PIGR: variants seen among roughly 807,000 people sequenced by gnomAD.
PIGR encodes the protein hepatocellular carcinoma associated protein TB6.
Under a neutral mutation model 69.5 loss-of-function variants are expected in PIGR, and 22 were observed. The ratio of observed to expected loss-of-function variants is 0.32; its 90% CI spans 0.23 to 0.45. The LOEUF is 0.45. PIGR is among the 20% of genes least tolerant of loss of function. PIGR has a pLI of 1.00. For synonymous variants in PIGR, 413 were observed against 407.6 expected (o/e 1.01, Z -0.16); for missense variants, 885 against 974.0 (o/e 0.91, Z 1.22).
At position 206,931,663 on chromosome 1, in the gene PIGR, G is replaced by T. The variant is rs751789346; in HGVS notation, c.2140+8C>A. 4 of 1,613,858 alleles carry T rather than the reference G, an allele frequency of 2.5e-6. No individual in the cohort carries two copies. Among genetic ancestry groups the T allele is most frequent in the Non-Finnish European group, 3.4e-6 (4 of 1,180,000 alleles). ...GGGGCTGAGCATTCCCTTGAGTGAG[G>T]GTCATACCTTCTTTTCCTCCGAGGG... On this transcript the variant is annotated splice_region_variant and intron_variant, in intron 9 of 10. Coordinates refer to ENST00000356495, the MANE Select transcript of PIGR (RefSeq NM_002644.4).
At chr1:206,943,627 C>T (rs1442242847) in intron 1 of PIGR, among the ~76,000 whole-genome samples, 2 of 152,200 alleles carry the variant, frequency 1.3e-5, no homozygotes, top group Non-Finnish European at 2.9e-5. Flanking sequence ...AGTGACTGCA[C>T]TTCATCTCTC....
rs1467712774 is a variant in PIGR at position 206,937,664 on chromosome 1, G to A, written c.476C>T (p.Ala159Val). Residue 159 changes from alanine to valine, a missense_variant, in exon 4 of 11, where the codon GCT becomes GTT. Coordinates refer to ENST00000356495, the MANE Select transcript of PIGR (RefSeq NM_002644.4). ...CTTGTACAAGGACTTCCTCTTTTGA[G>A]CATTCTCAGTCTTGAAAGGGCAGTT... ...TINCPFKTEN[A>V]QKRKSLYKQI... The A allele has an allele frequency of 1.9e-6, 3 of 1,613,780 alleles. No homozygotes were observed. Among genetic ancestry groups the A allele is most frequent in the Middle Eastern group, 3.3e-4 (2 of 6,084 alleles).
chr1:206,935,932 G>C lies in PIGR; in HGVS notation c.1046-114C>G. On this transcript the variant is annotated intron_variant, in intron 4 of 10. Transcript: ENST00000356495. This position sits in a 1 kb window ranked among gnomAD's most constrained non-coding sequence, Gnocchi z 4.4. ...CCAGGATGGGGAGTGAAGTTTACAC[G>C]CATCACCTTACCCTCTTCAGAAAAT... is the stretch of plus-strand genomic sequence containing the variant. The C allele has an allele frequency of 4.2e-6, 3 of 707,482 alleles. No individual in the cohort carries two copies. The highest frequency in any genetic ancestry group is 7.2e-6 in the Non-Finnish European group (3 of 417,234). 43.8% of individuals were successfully genotyped at this position (707,482 alleles called of 1,614,324 possible).
rs761287769 is a variant in PIGR at position 206,937,506 on chromosome 1, G to A, written c.634C>T (p.Leu212Phe). 4 of 1,614,210 alleles carry A rather than the reference G, an allele frequency of 2.5e-6. No homozygotes were observed. Among genetic ancestry groups the A allele is most frequent in the East Asian group, 2.2e-5 (1 of 44,884 alleles). ...CAGAGATACTGCCCAGCATCGCTGA[G>A]CCTGAGTTGGTTGATGACAACGCTG... ...LFSVVINQLRLSDAGQYLCQA... is the reference protein window; with the variant it reads ...LFSVVINQLRFSDAGQYLCQA... The change falls in exon 4 of 11, where the codon CTC becomes TTC. Residue 212 changes from leucine (L) to phenylalanine (F), a missense_variant. Physicochemically the swap from Leu to Phe is conservative, Grantham distance 22. Transcript: ENST00000356495.
At chr1:206,944,212 C>T (rs1022064141) in intron 1 of PIGR, among the ~76,000 whole-genome samples, 2 of 152,192 alleles carry the variant, frequency 1.3e-5, no homozygotes, top group African/African-American at 4.8e-5. Context: ...TAGTGGCTCA[C>T]GCCTGTAATC....
chr1:206,930,780 A>T lies in PIGR; in HGVS notation c.2200-367T>A. 1 of 985,410 alleles carries T rather than the reference A, an allele frequency of 1.0e-6. No individual in the cohort carries two copies. Among genetic ancestry groups the T allele is most frequent in the Non-Finnish European group, 1.2e-6 (1 of 829,924 alleles). 61.0% of individuals were successfully genotyped at this position (985,410 alleles called of 1,614,324 possible). The stretch of plus-strand genomic sequence containing the variant: ...TCTTTCTCCACCAGCCCAGACAGGT[A>T]GCTTTTTGGCACCACAAAGTTAAAG... On this transcript the variant is annotated intron_variant, in intron 10 of 10. Coordinates refer to ENST00000356495, the MANE Select transcript of PIGR (RefSeq NM_002644.4). The surrounding 1 kb of genome is among the most constrained non-coding windows in gnomAD (Gnocchi z 4.3).
Position 206,930,043 on chromosome 1 carries a change from C to T in PIGR, c.*275G>A, listed in dbSNP as rs1051530554. 8.4e-6 allele frequency: 3 copies of T among 355,914 alleles called. No individual in the cohort carries two copies. The highest frequency in any genetic ancestry group is 4.2e-5 in the East Asian group (1 of 23,548). 22.0% of individuals were successfully genotyped at this position (355,914 alleles called of 1,614,324 possible). A position where few individuals can be genotyped will look rare whatever the true frequency, so the allele number is the denominator to read the frequency against. On this transcript the variant is annotated 3_prime_UTR_variant, in exon 11 of 11. Coordinates refer to ENST00000356495, the MANE Select transcript of PIGR (RefSeq NM_002644.4). This position sits in a 1 kb window ranked among gnomAD's most constrained non-coding sequence, Gnocchi z 4.3. The stretch of plus-strand genomic sequence containing the variant: ...CCCTGGTCCCTCTTCCTTCAAGGGA[C>T]CCATGAGGACCTCTATTCTTCTCCG...
intron 6 of PIGR, 31 bp downstream of exon 6, chr1:206,934,389 A>G (rs895773684): frequency 1.9e-6 from 3 of 1,579,076 alleles, no homozygotes; most frequent in Non-Finnish European, 2.6e-6. Context: ...TCTGGGTCTG[A>G]GGGGTGCAGG....
chr1:206,941,333 T>C (rs774509428), intron 1 of PIGR, among the ~76,000 whole-genome samples: 5 of 152,190 alleles, frequency 3.3e-5, no homozygotes, highest in Non-Finnish European at 7.3e-5. Context: ...GCAAAGTCCA[T>C]GTGCTTAACC....
chr1:206,941,613 T>A (rs1679988399), intron 1 of PIGR, among the ~76,000 whole-genome samples: 2 of 152,168 alleles, frequency 1.3e-5, no homozygotes, highest in South Asian at 4.1e-4. Flanking sequence ...GGTGTTAGGG[T>A]CTTTGTAATC....
At chr1:206,942,381 G>A (rs1247871607) in intron 1 of PIGR, among the ~76,000 whole-genome samples, 1 of 152,220 alleles carries the variant, frequency 6.6e-6, no homozygotes, top group Non-Finnish European at 1.5e-5. Flanking sequence ...CAGCTTTCAG[G>A]AGGCCAGGAA....
rs887288309 is a variant in PIGR, at chr1:206,935,897, G to C, written c.1046-79C>G. 5 of 1,089,116 alleles carry C rather than the reference G, an allele frequency of 4.6e-6. No individual in the cohort carries two copies. The highest frequency in any genetic ancestry group is 6.7e-6 in the Non-Finnish European group (5 of 751,756). 67.5% of individuals were successfully genotyped at this position (1,089,116 alleles called of 1,614,324 possible). The stretch of plus-strand genomic sequence containing the variant: ...GCGTGGCCTGAGAAGCCTTCTTCCC[G>C]GGGTCTCAGCCAGGATGGGGAGTGA... On this transcript the variant is annotated intron_variant, in intron 4 of 10. Transcript: ENST00000356495. This position sits in a 1 kb window ranked among gnomAD's most constrained non-coding sequence, Gnocchi z 4.4.
intron 1 of PIGR, among the ~76,000 whole-genome samples, chr1:206,944,106 T>C (rs991308973): frequency 6.0e-4 from 91 of 152,322 alleles, no homozygotes; most frequent in Middle Eastern, 3.4e-3. Context: ...AGAAGCAGGA[T>C]ATTCAATCTT....
chr1:206,932,802 C>T (rs1203555137), intron 7 of PIGR, among the ~76,000 whole-genome samples, 184 bp downstream of exon 7: 1 of 152,216 alleles, frequency 6.6e-6, no homozygotes, highest in Non-Finnish European at 1.5e-5. Flanking sequence ...ATTGTAAACA[C>T]CTCCCCAGCC....
chr1:206,930,468 G>A lies in PIGR; in HGVS notation c.2200-55C>T. ...TGGGGGCACTGGCTCAGTGGGTGGA[G>A]TCAGGGGAGGGGAGGTGCTTAATGT... is the stretch of plus-strand genomic sequence containing the variant. On this transcript the variant is annotated intron_variant, in intron 10 of 10. Coordinates refer to ENST00000356495, the MANE Select transcript of PIGR (RefSeq NM_002644.4). This position sits in a 1 kb window ranked among gnomAD's most constrained non-coding sequence, Gnocchi z 4.3. 4 of 1,573,260 alleles carry A rather than the reference G, an allele frequency of 2.5e-6. No homozygotes were observed. The highest frequency in any genetic ancestry group is 3.4e-6 in the Non-Finnish European group (4 of 1,159,582).
chr1:206,932,986 C>A lies in PIGR; in HGVS notation c.1886G>T (p.Ser629Ile), dbSNP rs1302681845. 6.2e-7 allele frequency: 1 copy of A among 1,613,892 alleles called. No individual in the cohort carries two copies. The highest frequency in any genetic ancestry group is 8.5e-7 in the Non-Finnish European group (1 of 1,179,986). ...TGGGGAGCCTTGAATCCTTCCTTAC[C>A]TGCCGGAATCCACAGATGCTCTGCT... is the stretch of plus-strand genomic sequence containing the variant. ...DGSRASVDSG[S>I]SEEQGGSSRA... Residue 629 changes from serine (S) to isoleucine (I), a missense_variant and splice_region_variant, in exon 7 of 11, where the codon AGC (serine) becomes ATC (isoleucine). By Grantham distance (142) the Ser-to-Ile change is moderately radical. Transcript: ENST00000356495.
chr1:206,939,238 T>A lies in PIGR; in HGVS notation c.269A>T (p.Asn90Ile). The A allele has an allele frequency of 6.2e-7, 1 of 1,614,182 alleles. No individual in the cohort carries two copies. Among genetic ancestry groups the A allele is most frequent in the South Asian group, 1.1e-5 (1 of 91,084 alleles). ...GRANLTNFPE[N>I]GTFVVNIAQL... ...GGCAATGTTCACCACAAATGTGCCG[T>A]TCTCCGGGAAGTTGGTGAGGTTAGC... Residue 90 changes from asparagine (N) to isoleucine (I), a missense_variant, in exon 3 of 11, where the codon AAC (asparagine) becomes ATC (isoleucine). Coordinates refer to ENST00000356495, the MANE Select transcript of PIGR (RefSeq NM_002644.4).
rs1177703498 is a variant in PIGR, at chr1:206,935,921, G to A, written c.1046-103C>T. The A allele has an allele frequency of 2.5e-6, 2 of 800,722 alleles. No individual in the cohort carries two copies. The highest frequency in any genetic ancestry group is 4.0e-6 in the Non-Finnish European group (2 of 497,706). The allele number at this position is 800,722 out of a possible 1,614,324, so 49.6% of individuals were successfully genotyped here. ...CGGGGTCTCAGCCAGGATGGGGAGT[G>A]AAGTTTACACGCATCACCTTACCCT... On this transcript the variant is annotated intron_variant, in intron 4 of 10. Transcript: ENST00000356495. The surrounding 1 kb of genome is among the most constrained non-coding windows in gnomAD (Gnocchi z 4.4).
chr1:206,931,955 C>T (rs1246196870), intron 8 of PIGR, 153 bp from the exon 9 acceptor site: 12 of 778,726 alleles, frequency 1.5e-5, no homozygotes, highest in East Asian at 2.5e-5. Flanking sequence ...GGAAATGATC[C>T]GAGTCTCCTC....
Sources: gnomAD v4.1 joint callset for allele counts (sites outside exome capture counted in the v4.1 genomes callset) on GRCh38, gnomAD v4.1.1 for gene constraint, Gnocchi (gnomAD v3.1) non-coding constraint, MANE v1.5 for transcripts, NCBI Gene and HGNC (gene_info 2026-07-23, HGNC 2026-07-21) for gene names.